The following FLACC1 variants were observed in gnomAD, a reference collection of about 807,000 sequenced individuals.
FLACC1 encodes flagellum-associated coiled-coil domain-containing protein 1.
In FLACC1, 66 loss-of-function variants were observed where a neutral mutation model predicts 62.8. The observed-to-expected ratio is 1.05, with a 90% CI of 0.86 to 1.29. The LOEUF is 1.29. FLACC1 is among the 50% of genes most tolerant of loss of function. The pLI, the probability that FLACC1 is intolerant of heterozygous loss-of-function variation, is 0.00. For synonymous variants in FLACC1, 156 were observed against 161.0 expected (o/e 0.97, Z 0.24); for missense variants, 452 against 489.1 (o/e 0.92, Z 0.71).
At chr2:201,350,860 C>G (rs1951014713) in intron 2 of FLACC1, 78 bp from the exon 3 acceptor site, 2 of 1,318,130 alleles carry the variant, frequency 1.5e-6, no homozygotes, top group Middle Eastern at 2.0e-4. Flanking sequence ...AGATTAAGTA[C>G]ATCCCTATAG....
At chr2:201,342,453 A>C (rs375463069) in intron 6 of FLACC1, 22 bp from the exon 7 acceptor site, 46 of 1,613,138 alleles carry the variant, frequency 2.9e-5, no homozygotes, top group Non-Finnish European at 3.9e-5. Flanking sequence ...ATCAGCATCT[A>C]CAACACAGGA....
At chr2:201,317,017 C>T (rs1047258084) in intron 9 of FLACC1, among the ~76,000 whole-genome samples, 3 of 152,090 alleles carry the variant, frequency 2.0e-5, no homozygotes, top group Admixed American at 2.0e-4. Context: ...GATTAAAACT[C>T]TCAGCAAAAC....
chr2:201,311,899 CA>C (rs1950224312), intron 9 of FLACC1, among the ~76,000 whole-genome samples: 1 of 152,090 alleles, frequency 6.6e-6, no homozygotes, highest in Non-Finnish European at 1.5e-5. Flanking sequence ...TAAAAACTCT[CA>C]GCAAATTAGG....
the FLACC1 span, among the ~76,000 whole-genome samples, chr2:201,363,879 T>C: frequency 0.41 from 62,240 of 152,030 alleles, 13,766 homozygotes; most frequent in South Asian, 0.54. Flanking sequence ...GGGTGCTTGG[T>C]AGTGGCTACC....
chr2:201,354,121 T>C (rs891265952), intron 1 of FLACC1, among the ~76,000 whole-genome samples: 4 of 152,230 alleles, frequency 2.6e-5, no homozygotes, highest in African/African-American at 9.6e-5. Context: ...CCACTGATGG[T>C]GTCTAATGAC....
Position 201,351,290 on chromosome 2 carries a change from A to C in FLACC1, c.113+2T>G, listed in dbSNP as rs1349456389. 3.1e-6 allele frequency: 5 copies of C among 1,606,548 alleles called. No homozygotes were observed. The East Asian group carries it at 1.1e-4, about 36-fold the overall frequency. On this transcript the variant is annotated splice_donor_variant, in intron 2 of 14. Coordinates refer to ENST00000392257, the MANE Select transcript of FLACC1 (RefSeq NM_001127391.3). LOFTEE classifies it high-confidence loss of function. Reference sequence around the variant, plus strand: ...GCCTACCCCATCCCAGATAATTCTTACTTGGAACTCCCTGTGGAGTTCTTG... The same window carrying C: ...GCCTACCCCATCCCAGATAATTCTTCCTTGGAACTCCCTGTGGAGTTCTTG...
chr2:201,292,602 A>T (rs1949761917), intron 12 of FLACC1, among the ~76,000 whole-genome samples: 1 of 152,228 alleles, frequency 6.6e-6, no homozygotes. Context: ...CGAGGCTAGG[A>T]AGAAACTGCA....
intron 7 of FLACC1, among the ~76,000 whole-genome samples, chr2:201,340,616 TG>T (rs1192761079): frequency 6.6e-6 from 1 of 152,244 alleles, no homozygotes; most frequent in Non-Finnish European, 1.5e-5. Context: ...AATAGTTTTG[TG>T]TTTTTACTCT....
At chr2:201,323,804 G>GAAAAAAAAAAAAAAAA (rs1950451024) in intron 9 of FLACC1, among the ~76,000 whole-genome samples, 1 of 54,922 alleles carries the variant, frequency 1.8e-5, no homozygotes, top group East Asian at 6.4e-4. Context: ...AAAAAAAAAA[G>GAAAAAAAAAAAAAAAA]TAAGGAAGGA....
chr2:201,362,422 C>T, the FLACC1 span, among the ~76,000 whole-genome samples: 1 of 152,042 alleles, frequency 6.6e-6, no homozygotes, highest in South Asian at 2.1e-4. Flanking sequence ...AAGATCATCT[C>T]TGTGGGTTTT....
intron 9 of FLACC1, 74 bp from the exon 10 acceptor site, chr2:201,309,324 A>C: frequency 2.7e-6 from 3 of 1,120,052 alleles, no homozygotes; most frequent in Non-Finnish European, 4.1e-6. Context: ...GTAAAACTCA[A>C]CTCAGGGAGG....
rs995367657 is a variant in FLACC1 at position 201,326,226 on chromosome 2, T to A, written c.675+4244A>T. 1.3e-5 allele frequency among the ~76,000 whole-genome samples: 2 copies of A among 148,290 alleles called. No homozygotes were observed. The highest frequency in any genetic ancestry group is 5.1e-5 in the African/African-American group (2 of 38,922). On this transcript the variant is annotated intron_variant, in intron 9 of 14. Transcript: ENST00000392257. This position sits in a 1 kb window ranked among gnomAD's most constrained non-coding sequence, Gnocchi z 4.1. ...CAACATCATACTGAATGGAAAAAAG[T>A]TGAAAGCATTCCCCTTGAGAACCGG...
At chr2:201,317,294 A>G (rs1204702662) in intron 9 of FLACC1, among the ~76,000 whole-genome samples, 1 of 152,234 alleles carries the variant, frequency 6.6e-6, no homozygotes, top group Admixed American at 6.5e-5. Flanking sequence ...GTATACCTAC[A>G]AAACCCTAAA....
chr2:201,293,846 A>G (rs899565200), intron 12 of FLACC1, among the ~76,000 whole-genome samples: 9 of 152,028 alleles, frequency 5.9e-5, no homozygotes, highest in Non-Finnish European at 7.4e-5. Flanking sequence ...GGATATCACC[A>G]CCGATCCCAC....
chr2:201,317,673 G>GTA (rs1950330993), intron 9 of FLACC1, among the ~76,000 whole-genome samples: 1 of 151,796 alleles, frequency 6.6e-6, no homozygotes, highest in Non-Finnish European at 1.5e-5. Context: ...TACCACCATC[G>GTA]TTTTTCACAG....
chr2:201,322,155 G>A (rs1322141825), intron 9 of FLACC1, among the ~76,000 whole-genome samples: 1 of 151,694 alleles, frequency 6.6e-6, no homozygotes, highest in Non-Finnish European at 1.5e-5. Flanking sequence ...TGTAATCCCA[G>A]CTACTTGGGA....
intron 7 of FLACC1, among the ~76,000 whole-genome samples, chr2:201,339,271 T>C (rs1298228324): frequency 6.6e-6 from 1 of 152,158 alleles, no homozygotes; most frequent in Non-Finnish European, 1.5e-5. Context: ...AATGTCTCTT[T>C]TTTCATTTCT....
intron 7 of FLACC1, among the ~76,000 whole-genome samples, chr2:201,333,426 A>G (rs1286832106): frequency 6.6e-6 from 1 of 151,876 alleles, no homozygotes; most frequent in African/African-American, 2.4e-5. Context: ...TTTTTATTAT[A>G]CTTTTTTAGG....
intron 9 of FLACC1, among the ~76,000 whole-genome samples, chr2:201,313,702 C>T (rs1950259196): frequency 6.6e-6 from 1 of 152,176 alleles, no homozygotes; most frequent in African/African-American, 2.4e-5. Flanking sequence ...CCTCCCCATA[C>T]TACCACAGCT....
Sources: allele counts gnomAD v4.1 joint callset (sites outside exome capture counted in the v4.1 genomes callset), GRCh38; gene constraint gnomAD v4.1.1; non-coding constraint Gnocchi (gnomAD v3.1); transcripts MANE v1.5; gene names NCBI Gene and HGNC (gene_info 2026-07-23, HGNC 2026-07-21).